ATP8B4: variants seen among roughly 807,000 people sequenced by gnomAD.
ATP8B4 encodes the protein probable phospholipid-transporting ATPase IM.
Under a neutral mutation model 145.6 loss-of-function variants are expected in ATP8B4, and 133 were observed. The ratio of observed to expected loss-of-function variants is 0.91; its 90% CI spans 0.79 to 1.05. The LOEUF (loss-of-function observed/expected upper bound fraction) is 1.05, where lower values mean the gene tolerates loss of function less well. ATP8B4 is among the 50% of genes least tolerant of loss of function. The probability of loss-of-function intolerance (pLI) is 0.00; values close to 1 mark genes in which losing one functional copy is unlikely to be tolerated. For synonymous variants in ATP8B4, 507 were observed against 492.9 expected (o/e 1.03, Z -0.38); for missense variants, 1,458 against 1,425.2 (o/e 1.02, Z -0.37).
At chr15:50,009,386 A>G (rs2048553295) in intron 7 of ATP8B4, 1 of 157,208 alleles carries the variant, frequency 6.4e-6, no homozygotes, top group Non-Finnish European at 1.4e-5. Context: ...AGGCAAATCA[A>G]TAGGTGCTTT....
intron 9 of ATP8B4, among the ~76,000 whole-genome samples, chr15:49,990,368 A>C (rs1304694308): frequency 6.6e-6 from 1 of 152,220 alleles, no homozygotes; most frequent in Non-Finnish European, 1.5e-5. Flanking sequence ...TTTACTGAAT[A>C]CATGTTTGGA....
chr15:50,173,712 T>A (rs557063044), intron 1 of ATP8B4, among the ~76,000 whole-genome samples: 31 of 150,420 alleles, frequency 2.1e-4, no homozygotes, highest in Non-Finnish European at 3.3e-4. Flanking sequence ...ACTAAAAAAA[T>A]TTAAAAAAAA....
intron 13 of ATP8B4, among the ~76,000 whole-genome samples, chr15:49,972,086 C>A (rs2045199294): frequency 6.6e-6 from 1 of 152,104 alleles, no homozygotes; most frequent in African/African-American, 2.4e-5. Flanking sequence ...AACACATGAA[C>A]ACAGGGAGGG....
chr15:49,972,726 G>A lies in ATP8B4; in HGVS notation c.1099C>T (p.Arg367Ter), dbSNP rs199887907. 47 of 1,613,790 alleles carry A rather than the reference G, an allele frequency of 2.9e-5. No homozygotes were observed. The highest frequency in any genetic ancestry group is 4.0e-5 in the African/African-American group (3 of 74,870). ...INWDRKMYYS[R>*]KAIPAVARTT... ...CGAGCCACTGCAGGTATTGCTTTTC[G>A]AGAATAATACATCTTCCGGTCCCAG... Residue 367 changes from arginine (R) to a stop codon, truncating the protein, a stop_gained, in exon 13 of 28, where the codon CGA becomes TGA. Coordinates refer to ENST00000284509, the MANE Select transcript of ATP8B4 (RefSeq NM_024837.4). LOFTEE classifies it high-confidence loss of function.
intron 20 of ATP8B4, among the ~76,000 whole-genome samples, chr15:49,903,997 T>C (rs2038340290): frequency 6.6e-6 from 1 of 152,206 alleles, no homozygotes; most frequent in African/African-American, 2.4e-5. Context: ...AGCTTTGAGC[T>C]TGGAACCTGG....
At chr15:49,862,660 A>G (rs2032054175) in intron 26 of ATP8B4, among the ~76,000 whole-genome samples, 1 of 151,906 alleles carries the variant, frequency 6.6e-6, no homozygotes, top group Non-Finnish European at 1.5e-5. Context: ...GGGTTTCACC[A>G]TGTTAGCCAG....
In ATP8B4 at chr15:49,957,930, A is replaced by T. The variant is rs139210223; in HGVS notation, c.1287+4047T>A. ...GATAGAGCTAAATTATACATAGCTA[A>T]TTCCTACCTTAAGAACAGAGAATAC... On this transcript the variant is annotated intron_variant, in intron 14 of 27. Coordinates refer to ENST00000284509, the MANE Select transcript of ATP8B4 (RefSeq NM_024837.4). 2.4e-3 allele frequency among the ~76,000 whole-genome samples: 371 copies of T among 152,012 alleles called. 2 individuals are homozygous for T. Among genetic ancestry groups the T allele is most frequent in the Admixed American group, 4.4e-3 (68 of 15,302 alleles).
intron 1 of ATP8B4, among the ~76,000 whole-genome samples, chr15:50,115,608 T>C (rs924900243): frequency 4.0e-5 from 6 of 151,692 alleles, no homozygotes; most frequent in Non-Finnish European, 5.9e-5. Context: ...GGAGCAGTGA[T>C]AGTCATGGCA....
chr15:49,981,353 A>G, intron 10 of ATP8B4, 59 bp from the exon 11 acceptor site: 1 of 1,301,362 alleles, frequency 7.7e-7, no homozygotes, highest in Non-Finnish European at 1.1e-6. Context: ...ATTCTTATTA[A>G]TGCTCATATC....
intron 1 of ATP8B4, among the ~76,000 whole-genome samples, chr15:50,144,992 C>T (rs2044259100): frequency 6.6e-6 from 1 of 151,620 alleles, no homozygotes; most frequent in Non-Finnish European, 1.5e-5. Flanking sequence ...CTAGCTGAGC[C>T]ATGAAAAGCA....
At chr15:50,023,581 T>G (rs1464998917) in intron 6 of ATP8B4, among the ~76,000 whole-genome samples, 1 of 152,068 alleles carries the variant, frequency 6.6e-6, no homozygotes, top group African/African-American at 2.4e-5. Flanking sequence ...AATTCCAGTG[T>G]TCTTTCTTCT....
intron 1 of ATP8B4, among the ~76,000 whole-genome samples, chr15:50,157,721 T>G (rs1232633962): frequency 7.9e-6 from 1 of 126,900 alleles, no homozygotes; most frequent in Non-Finnish European, 1.7e-5. Context: ...CCCTTTAACA[T>G]ATTTATTCTT....
At chr15:50,161,055 T>C (rs1376856131) in intron 1 of ATP8B4, among the ~76,000 whole-genome samples, 3 of 152,096 alleles carry the variant, frequency 2.0e-5, no homozygotes, top group African/African-American at 4.8e-5. Flanking sequence ...GGTACTCCAG[T>C]GGTGGGTGCA....
intron 3 of ATP8B4, among the ~76,000 whole-genome samples, chr15:50,073,912 A>G (rs541494938): frequency 9.3e-4 from 135 of 145,290 alleles, no homozygotes; most frequent in Non-Finnish European, 1.8e-3. Flanking sequence ...TCATCTTCCC[A>G]TGACAATAAG....
intron 1 of ATP8B4, among the ~76,000 whole-genome samples, chr15:50,177,021 G>A (rs1425668932): frequency 1.3e-5 from 2 of 152,040 alleles, no homozygotes; most frequent in Admixed American, 1.3e-4. Context: ...ATACTCAAAT[G>A]GTACCATGCT....
At chr15:50,035,019 C>T (rs1401279902) in intron 6 of ATP8B4, among the ~76,000 whole-genome samples, 1 of 152,172 alleles carries the variant, frequency 6.6e-6, no homozygotes, top group Admixed American at 6.5e-5. Flanking sequence ...CCGCTACTTA[C>T]TTTTAAAACA....
chr15:50,177,029 G>T (rs773471812), intron 1 of ATP8B4, among the ~76,000 whole-genome samples: 2 of 152,222 alleles, frequency 1.3e-5, no homozygotes, highest in Non-Finnish European at 2.9e-5. Context: ...ATGGTACCAT[G>T]CTAGACAGTC....
chr15:50,005,498 T>C (rs901689277), intron 7 of ATP8B4, among the ~76,000 whole-genome samples: 5 of 152,168 alleles, frequency 3.3e-5, no homozygotes, highest in Admixed American at 2.6e-4. Context: ...TCCCATTGTA[T>C]GGATGAGGAA....
intron 7 of ATP8B4, 87 bp from the exon 8 acceptor site, chr15:50,002,310 A>G (rs1419425599): frequency 9.8e-7 from 1 of 1,015,870 alleles, no homozygotes; most frequent in Admixed American, 2.4e-5. Flanking sequence ...TGACTACTAA[A>G]GAGGCAACAG....
Sources: allele counts gnomAD v4.1 joint callset (sites outside exome capture counted in the v4.1 genomes callset), GRCh38; gene constraint gnomAD v4.1.1; transcripts MANE v1.5; gene names NCBI Gene and HGNC (gene_info 2026-07-23, HGNC 2026-07-21).